The following LRRC3B variants were observed in gnomAD, a reference collection of about 807,000 sequenced individuals.
LRRC3B encodes leucine rich repeat containing 3B, also known as leucine-rich repeat-containing protein 3B.
In LRRC3B, 2 loss-of-function variants were observed where a neutral mutation model predicts 12.8. The observed-to-expected ratio is 0.16, with a 90% CI of 0.06 to 0.49. The LOEUF is 0.49. LRRC3B is among the 20% of genes least tolerant of loss of function. The pLI is 0.96. For missense variants in LRRC3B, 189 were observed against 319.4 expected, an observed-to-expected ratio of 0.59 and a Z score of 3.11; for synonymous variants, 132 against 122.0, an observed-to-expected ratio of 1.08 and a Z score of -0.54.
intron 1 of LRRC3B, among the ~76,000 whole-genome samples, chr3:26,641,791 T>A (rs187693187): frequency 7.9e-5 from 12 of 152,256 alleles, no homozygotes; most frequent in African/African-American, 2.4e-4. Context: ...ATCAAATTTT[T>A]AAAAAATTAA....
intron 1 of LRRC3B, among the ~76,000 whole-genome samples, chr3:26,638,276 G>A (rs1698945180): frequency 6.6e-6 from 1 of 151,960 alleles, no homozygotes. Context: ...TTCAGGATTT[G>A]TAGAAAACAT....
At chr3:26,637,608 G>C (rs1324297311) in intron 1 of LRRC3B, among the ~76,000 whole-genome samples, 3 of 152,166 alleles carry the variant, frequency 2.0e-5, no homozygotes, top group Non-Finnish European at 4.4e-5. Context: ...GTAATACGTG[G>C]ATATTCAGGG....
chr3:26,707,064 C>T (rs146601614), intron 1 of LRRC3B, among the ~76,000 whole-genome samples: 74 of 152,022 alleles, frequency 4.9e-4, no homozygotes, highest in African/African-American at 1.7e-3. Context: ...CTACCAATTT[C>T]GTACTGTGCT....
intron 1 of LRRC3B, among the ~76,000 whole-genome samples, chr3:26,686,478 C>T (rs1403832864): frequency 6.6e-6 from 1 of 152,120 alleles, no homozygotes; most frequent in African/African-American, 2.4e-5. Context: ...ATCCAATTTC[C>T]ATTTGGATCA....
In LRRC3B at chr3:26,659,246, C is replaced by T. The variant is rs529953311; in HGVS notation, c.-161+36009C>T. Among the ~76,000 whole-genome samples, 7 of 152,264 alleles carry T rather than the reference C, an allele frequency of 4.6e-5. No homozygotes were observed. In the South Asian group the frequency reaches 1.2e-3, roughly 27 times the overall value. On this transcript the variant is annotated intron_variant, in intron 1 of 1. Transcript: ENST00000396641. ...AATCACAAAAAGGTTAAGTACGTTC[C>T]CTAAATCAGCAGAGCTCAGATTTTG...
intron 1 of LRRC3B, among the ~76,000 whole-genome samples, chr3:26,650,058 T>G (rs946618357): frequency 3.9e-5 from 6 of 152,182 alleles, no homozygotes; most frequent in African/African-American, 1.2e-4. Flanking sequence ...ATTTCTTGAA[T>G]TTATTTGTCC....
chr3:26,699,292 A>T (rs1700395525), intron 1 of LRRC3B, among the ~76,000 whole-genome samples: 1 of 152,184 alleles, frequency 6.6e-6, no homozygotes, highest in Non-Finnish European at 1.5e-5. Flanking sequence ...AAACCTAATC[A>T]TCTTTGAATG....
At chr3:26,687,830 T>A (rs370727346) in intron 1 of LRRC3B, among the ~76,000 whole-genome samples, 1 of 152,028 alleles carries the variant, frequency 6.6e-6, no homozygotes, top group East Asian at 1.9e-4. Flanking sequence ...ATGGGAAGAG[T>A]ATCAAGGGTT....
intron 1 of LRRC3B, among the ~76,000 whole-genome samples, chr3:26,645,801 T>C (rs979268122): frequency 2.0e-5 from 3 of 152,124 alleles, no homozygotes; most frequent in Non-Finnish European, 4.4e-5. Flanking sequence ...TGTCAGAAAG[T>C]GATTGAGGAT....
At chr3:26,650,533 C>T (rs1467408114) in intron 1 of LRRC3B, among the ~76,000 whole-genome samples, 1 of 152,092 alleles carries the variant, frequency 6.6e-6, no homozygotes, top group African/African-American at 2.4e-5. Flanking sequence ...AGGCAATAAG[C>T]AAGTACAGAG....
At chr3:26,671,927 C>T (rs1268565663) in intron 1 of LRRC3B, among the ~76,000 whole-genome samples, 2 of 152,068 alleles carry the variant, frequency 1.3e-5, no homozygotes, top group East Asian at 1.9e-4. Flanking sequence ...AAAATGTTGT[C>T]GCTTTTGAAC....
intron 1 of LRRC3B, among the ~76,000 whole-genome samples, chr3:26,639,325 A>T (rs1213208621): frequency 6.6e-6 from 1 of 152,182 alleles, no homozygotes; most frequent in Non-Finnish European, 1.5e-5. Flanking sequence ...TATATTTTAT[A>T]CTTACACCAT....
At position 26,688,529 on chromosome 3, in the gene LRRC3B, G is replaced by A. The variant is rs1700131017; in HGVS notation, c.-160-20984G>A. ...ATGCTGGCATCTGCTCAGCTTCTGG[G>A]GAGGCCTCAGGAAACTTTCAATCAT... On this transcript the variant is annotated intron_variant, in intron 1 of 1. Transcript: ENST00000396641. Among the ~76,000 whole-genome samples, 5 of 152,244 alleles carry A rather than the reference G, an allele frequency of 3.3e-5. 1 individual carries two copies. The South Asian group carries it at 1.0e-3, about 32-fold the overall frequency.
chr3:26,662,819 A>C (rs1259848942), intron 1 of LRRC3B, among the ~76,000 whole-genome samples: 1 of 152,160 alleles, frequency 6.6e-6, no homozygotes, highest in East Asian at 1.9e-4. Flanking sequence ...TGATAAGGCC[A>C]ATAGACATTA....
At chr3:26,695,192 A>G (rs1016308372) in intron 1 of LRRC3B, among the ~76,000 whole-genome samples, 1 of 152,082 alleles carries the variant, frequency 6.6e-6, no homozygotes, top group African/African-American at 2.4e-5. Context: ...TATTTAATCA[A>G]TCTCTTTATG....
chr3:26,676,657 CAA>C (rs1699866784), intron 1 of LRRC3B, among the ~76,000 whole-genome samples: 1 of 152,138 alleles, frequency 6.6e-6, no homozygotes, highest in Non-Finnish European at 1.5e-5. Context: ...TAAACTAGTT[CAA>C]CCATTGTGGA....
chr3:26,643,171 G>C (rs1024603845), intron 1 of LRRC3B, among the ~76,000 whole-genome samples: 3 of 152,008 alleles, frequency 2.0e-5, no homozygotes, highest in Non-Finnish European at 4.4e-5. Flanking sequence ...CTTGGGGCTG[G>C]ACACATTCAT....
intron 1 of LRRC3B, among the ~76,000 whole-genome samples, chr3:26,679,619 C>A (rs1349970413): frequency 6.6e-6 from 1 of 152,194 alleles, no homozygotes; most frequent in East Asian, 1.9e-4. Flanking sequence ...CCATCCACTG[C>A]AACATGTTCC....
chr3:26,692,643 G>C (rs1373353053), intron 1 of LRRC3B, among the ~76,000 whole-genome samples: 1 of 151,688 alleles, frequency 6.6e-6, no homozygotes, highest in Non-Finnish European at 1.5e-5. Flanking sequence ...TGTTCTGTTA[G>C]TTGTTAGTGT....
Sources: gnomAD v4.1 joint callset for allele counts (sites outside exome capture counted in the v4.1 genomes callset) on GRCh38, gnomAD v4.1.1 for gene constraint, MANE v1.5 for transcripts, NCBI Gene and HGNC (gene_info 2026-07-23, HGNC 2026-07-21) for gene names.